Variants in ZNF48 observed in about 807,000 individuals in gnomAD.
ZNF48 encodes the protein zinc finger protein 48, also known as zinc finger protein 553.
In ZNF48, 20 loss-of-function variants were observed where a neutral mutation model predicts 40.0. That is an observed-to-expected ratio of 0.50 (90% CI 0.35 to 0.73). ZNF48 has a LOEUF of 0.73. Ranked by LOEUF, ZNF48 falls within the 30% of genes least tolerant of loss-of-function variation. ZNF48 has a pLI of 0.01. For missense variants in ZNF48, 726 were observed against 851.9 expected (o/e 0.85, Z 1.84); for synonymous variants, 298 against 329.7 (o/e 0.90, Z 1.04).
In ZNF48 at chr16:30,381,276, C is replaced by T; in HGVS notation, c.-16+2866C>T. 1 of 1,612,052 alleles carries T rather than the reference C, an allele frequency of 6.2e-7. No individual in the cohort carries two copies. Among genetic ancestry groups the T allele is most frequent in the Non-Finnish European group, 8.5e-7 (1 of 1,178,150 alleles). On this transcript the variant is annotated intron_variant, in intron 1 of 2. Coordinates refer to the ZNF48 transcript ENST00000528032. The surrounding 1 kb of genome is among the most constrained non-coding windows in gnomAD (Gnocchi z 4.3). ...CCAGGGATTGGTCATTGCCCAGCCT[C>T]AGGGGGCAGAGACCCCCCAGCCCTC... is the stretch of plus-strand genomic sequence containing the variant.
intron 1 of ZNF48, among the ~76,000 whole-genome samples, chr16:30,383,211 C>T (rs1186445107): frequency 1.3e-5 from 2 of 152,058 alleles, no homozygotes; most frequent in Non-Finnish European, 2.9e-5. Context: ...TTTTTTGAGA[C>T]GGAGTCTCGC....
At position 30,399,110 on chromosome 16, in the gene ZNF48, C is replaced by A. The variant is rs191558894; in HGVS notation, c.*3C>A. ...AGGCAGCAACAGGACTGGAATGACG[C>A]GGTCCAGGGAGGGCGGAGGCCCAGG... On this transcript the variant is annotated 3_prime_UTR_variant, in exon 3 of 3. Transcript: ENST00000613509. The A allele has an allele frequency of 2.5e-6, 4 of 1,572,914 alleles. No individual in the cohort carries two copies. Among genetic ancestry groups the A allele is most frequent in the Non-Finnish European group, 3.5e-6 (4 of 1,159,194 alleles).
intron 1 of ZNF48, chr16:30,380,004 G>T (rs752517719): frequency 6.2e-7 from 1 of 1,612,632 alleles, no homozygotes. Flanking sequence ...GGTAGATGTG[G>T]ATCTCCTCTT....
chr16:30,394,650 A>T (rs1205907888), upstream of ZNF48: 1 of 151,678 alleles, frequency 6.6e-6, no homozygotes, highest in African/African-American at 2.4e-5. Context: ...TGGGCCTGTT[A>T]CTCTCCAGGC....
chr16:30,387,182 A>T (rs1597013322), intron 1 of ZNF48, among the ~76,000 whole-genome samples: 1 of 139,868 alleles, frequency 7.1e-6, no homozygotes. Flanking sequence ...TGACCTTGTG[A>T]TCCGCCCGCC....
chr16:30,386,757 C>T lies in ZNF48; in HGVS notation c.-16+8347C>T, dbSNP rs979460838. Among the ~76,000 whole-genome samples the T allele has an allele frequency of 2.1e-4, 32 of 150,844 alleles. 1 individual carries two copies. The highest frequency in any genetic ancestry group is 1.3e-3 in the Admixed American group (20 of 15,132). ...TCGGCTCACTGCAACCTCTGCCTCC[C>T]GGGTTCAAGTGATTTTCCTGCCTCA... On this transcript the variant is annotated intron_variant, in intron 1 of 2. Transcript: ENST00000528032.
intron 1 of ZNF48, among the ~76,000 whole-genome samples, chr16:30,389,816 GTTTTTTTTTTTTTTTTT>G (rs56373430): frequency 8.9e-4 from 20 of 22,502 alleles, no homozygotes; most frequent in Middle Eastern, 0.036. Flanking sequence ...ATTTGGATTA[GTTTTTTTTTTTTTTTTT>G]TTTTTTTTTT....
chr16:30,388,837 T>C (rs2049920366), intron 1 of ZNF48, among the ~76,000 whole-genome samples: 2 of 151,814 alleles, frequency 1.3e-5, no homozygotes, highest in South Asian at 2.1e-4. Context: ...GAGGTTGCAG[T>C]GAGCCGAGAC....
intron 1 of ZNF48, chr16:30,378,867 A>AGGGGGAGAGAGGGAGG: frequency 4.8e-6 from 2 of 414,274 alleles, no homozygotes; most frequent in Non-Finnish European, 4.0e-6. Context: ...AGAGAGGGAG[A>AGGGGGAGAGAGGGAGG]GACGGAGAGA....
intron 1 of ZNF48, among the ~76,000 whole-genome samples, chr16:30,387,495 C>T (rs2049910943): frequency 6.8e-6 from 1 of 146,036 alleles, no homozygotes; most frequent in Middle Eastern, 3.2e-3. Context: ...GCAGAGGTTG[C>T]AGTGAGTGGA....
chr16:30,378,567 G>T (rs767151310), intron 1 of ZNF48: 1 of 1,607,964 alleles, frequency 6.2e-7, no homozygotes, highest in South Asian at 1.1e-5. Context: ...AGCCAGAGGG[G>T]GACCTGGGGC....
Position 30,381,095 on chromosome 16 carries a change from T to C in ZNF48, c.-16+2685T>C, listed in dbSNP as rs771002222. 3.9e-6 allele frequency: 6 copies of C among 1,543,292 alleles called. No homozygotes were observed. The highest frequency in any genetic ancestry group is 2.2e-5 in the East Asian group (1 of 44,562). On this transcript the variant is annotated intron_variant, in intron 1 of 2. Coordinates refer to the ZNF48 transcript ENST00000528032. This position sits in a 1 kb window ranked among gnomAD's most constrained non-coding sequence, Gnocchi z 4.3. ...AGCTGAAATCAGGTTTGGCTTCACA[T>C]GGGGTCAAAGGTCAGAGGTCATCAC...
At position 30,382,790 on chromosome 16, in the gene ZNF48, A is replaced by G. The variant is rs964800514; in HGVS notation, c.-16+4380A>G. 3.9e-6 allele frequency: 6 copies of G among 1,535,684 alleles called. No homozygotes were observed. The highest frequency in any genetic ancestry group is 2.0e-5 in the Admixed American group (1 of 50,982). ...TTCCAAGTCCCACTGTAGCTCCATC[A>G]TCGTGGTGAGACATGGGGTATGTGC... On this transcript the variant is annotated intron_variant, in intron 1 of 2. Transcript: ENST00000528032. The surrounding 1 kb of genome is among the most constrained non-coding windows in gnomAD (Gnocchi z 4.8).
Position 30,397,819 on chromosome 16 carries a change from G to A in ZNF48, c.569G>A (p.Arg190His), listed in dbSNP as rs755473478. The A allele has an allele frequency of 5.0e-6, 8 of 1,613,568 alleles. No individual in the cohort carries two copies. In the Admixed American group the frequency reaches 5.0e-5, roughly 10 times the overall value. Reference protein sequence around the residue: ...IPRSRIPAGERPTICGECGKS... With the variant: ...IPRSRIPAGEHPTICGECGKS... Reference sequence around the variant, plus strand: ...CGGTCCCGGATCCCTGCTGGTGAGCGCCCCACTATCTGTGGTGAATGTGGC... The same window carrying A: ...CGGTCCCGGATCCCTGCTGGTGAGCACCCCACTATCTGTGGTGAATGTGGC... Residue 190 changes from arginine to histidine, a missense_variant, in exon 3 of 3, where the codon CGC becomes CAC. This residue lies in a region of ZNF48 where 378 missense variants were observed against 449.1 expected (regional missense o/e 0.84). Transcript: ENST00000613509. This position sits in a 1 kb window ranked among gnomAD's most constrained non-coding sequence, Gnocchi z 4.1.
rs780625170 is a variant in ZNF48 at position 30,379,403 on chromosome 16, T to C, written c.-16+993T>C. The C allele has an allele frequency of 6.0e-5, 95 of 1,584,436 alleles. 1 individual carries two copies. In the Admixed American group the frequency reaches 1.6e-3, roughly 26 times the overall value. On this transcript the variant is annotated intron_variant, in intron 1 of 2. Coordinates refer to the ZNF48 transcript ENST00000528032. ...GACCCAGAGGCCCCGGGCTCCCTGC[T>C]GGCCTTAGGACCCCTGCCTGGCCTC...
At position 30,399,015 on chromosome 16, in the gene ZNF48, C is replaced by T; in HGVS notation, c.1765C>T (p.His589Tyr). ...GFGDSSARIK[H>Y]QRGHLVLTPF... is the part of the protein sequence containing the mutation. ...TGGTGACAGTTCTGCCCGCATCAAG[C>T]ACCAGCGTGGGCACCTGGTCCTGAC... The change falls in exon 3 of 3, where the codon CAC becomes TAC. Residue 589 changes from histidine to tyrosine, a missense_variant. By Grantham distance (83) the His-to-Tyr change is moderately conservative (BLOSUM62 2). This residue lies in a region of ZNF48 where 166 missense variants were observed against 163.6 expected (regional missense o/e 1.01). Transcript: ENST00000613509. 1 of 1,613,974 alleles carries T rather than the reference C, an allele frequency of 6.2e-7. No individual in the cohort carries two copies. Among genetic ancestry groups the T allele is most frequent in the Non-Finnish European group, 8.5e-7 (1 of 1,179,986 alleles).
chr16:30,388,523 A>G (rs934359648), intron 1 of ZNF48, among the ~76,000 whole-genome samples: 1 of 152,074 alleles, frequency 6.6e-6, no homozygotes, highest in Non-Finnish European at 1.5e-5. Flanking sequence ...AGGAAGTTAT[A>G]TATTTTAAGC....
At position 30,395,443 on chromosome 16, in the gene ZNF48, G is replaced by C. The variant is rs914028278; in HGVS notation, c.-151G>C. The C allele has an allele frequency of 8.5e-6, 3 of 354,374 alleles. No individual in the cohort carries two copies. Among genetic ancestry groups the C allele is most frequent in the Non-Finnish European group, 1.1e-5 (2 of 181,474 alleles). 22.0% of individuals were successfully genotyped at this position (354,374 alleles called of 1,614,324 possible). A position where few individuals can be genotyped will look rare whatever the true frequency, so the allele number is the denominator to read the frequency against. Reference sequence around the variant, plus strand: ...GTCCCCGCCCCCGGTGGCCGCCCCCGGGACGCCTGGGTCCGAGCCCGCTCC... The same window carrying C: ...GTCCCCGCCCCCGGTGGCCGCCCCCCGGACGCCTGGGTCCGAGCCCGCTCC... On this transcript the variant is annotated 5_prime_UTR_variant, in exon 1 of 3. Coordinates refer to ENST00000613509, the MANE Select transcript of ZNF48 (RefSeq NM_001214909.2). The surrounding 1 kb of genome is among the most constrained non-coding windows in gnomAD (Gnocchi z 5.9).
chr16:30,390,535 A>G (rs1279896738), upstream of ZNF48, among the ~76,000 whole-genome samples: 1 of 142,202 alleles, frequency 7.0e-6, no homozygotes, highest in Non-Finnish European at 1.5e-5. Context: ...CAGCCTCCCG[A>G]GTAGCTGGGG....
Sources: allele counts gnomAD v4.1 joint callset (sites outside exome capture counted in the v4.1 genomes callset), GRCh38; gene constraint gnomAD v4.1.1; regional missense constraint gnomAD v4.1.1; non-coding constraint Gnocchi (gnomAD v3.1); transcripts MANE v1.5; gene names NCBI Gene and HGNC (gene_info 2026-07-23, HGNC 2026-07-21).